Variants in PCDH11X observed in about 807,000 individuals in gnomAD.
The protein encoded by PCDH11X is protocadherin 11 X-linked, also known as protocadherin-11 X-linked.
A neutral mutation model predicts 53.3 loss-of-function variants in PCDH11X; 18 were observed. That is an observed-to-expected ratio of 0.34 (90% CI 0.23 to 0.50). PCDH11X has a LOEUF of 0.50. Among genes scored for constraint, PCDH11X ranks in the 20% least tolerant of loss-of-function variants. The probability of loss-of-function intolerance (pLI) is 0.98; values close to 1 mark genes in which losing one functional copy is unlikely to be tolerated. For synonymous variants in PCDH11X, 279 were observed against 393.3 expected, an observed-to-expected ratio of 0.71 and a Z score of 3.44; for missense variants, 570 against 1,032.4, an observed-to-expected ratio of 0.55 and a Z score of 6.14.
intron 6 of PCDH11X, among the ~76,000 whole-genome samples, chrX:92,038,602 A>C (rs1400521759): frequency 9.0e-6 from 1 of 111,596 alleles, no homozygotes; most frequent in Non-Finnish European, 1.9e-5. Context: ...CTTTGCCAGC[A>C]CAGTTTGAAA....
At chrX:91,797,753 A>C (rs1161978643) in intron 1 of PCDH11X, among the ~76,000 whole-genome samples, 2 of 108,059 alleles carry the variant, frequency 1.9e-5, no homozygotes, top group African/African-American at 6.7e-5. Context: ...ATTTCTACTT[A>C]AGACAATTAA....
At chrX:92,230,480 A>C (rs1259115711) in intron 7 of PCDH11X, among the ~76,000 whole-genome samples, 1 of 92,488 alleles carries the variant, frequency 1.1e-5, no homozygotes, top group African/African-American at 3.9e-5. Flanking sequence ...TATATATAAT[A>C]TATATAAAAT....
chrX:92,383,401 A>G (rs1324951277), intron 8 of PCDH11X, among the ~76,000 whole-genome samples: 9 of 108,806 alleles, frequency 8.3e-5, no homozygotes, highest in African/African-American at 2.0e-4. Context: ...AAGTATACAC[A>G]TGCCATGGTG....
At chrX:92,221,030 C>T (rs1412621296) in intron 7 of PCDH11X, among the ~76,000 whole-genome samples, 1 of 75,427 alleles carries the variant, frequency 1.3e-5, no homozygotes, top group African/African-American at 5.1e-5. Context: ...AGGGGAACAT[C>T]ACACTCTGGG....
rs764755111 is a variant in PCDH11X at position 91,828,120 on chromosome X, C to CTT, written c.-44-7325_-44-7324dup. On this transcript the variant is annotated intron_variant, in intron 4 of 10. Transcript: ENST00000682573. The stretch of plus-strand genomic sequence containing the variant: ...AAATTCCATTTTAAAAGGCAGAATT[C>CTT]TTTTTTTTTTTTTTTTTGAGATGGA... 3.2e-4 allele frequency among the ~76,000 whole-genome samples: 27 copies of CTT among 84,843 alleles called. 1 individual carries two copies. Among genetic ancestry groups the CTT allele is most frequent in the African/African-American group, 1.2e-3 (25 of 21,324 alleles). 73.7% of individuals were successfully genotyped at this position (84,843 alleles called of 115,157 possible).
intron 10 of PCDH11X, among the ~76,000 whole-genome samples, chrX:92,593,597 G>A (rs898454377): frequency 8.9e-5 from 10 of 111,840 alleles, no homozygotes; most frequent in Non-Finnish European, 3.8e-5. Context: ...TCTTAAAAGA[G>A]TAATGGGACA....
At chrX:92,477,821 G>C (rs1003195306) in intron 10 of PCDH11X, among the ~76,000 whole-genome samples, 6 of 104,166 alleles carry the variant, frequency 5.8e-5, no homozygotes, top group African/African-American at 2.1e-4. Flanking sequence ...GGGGTCAGTG[G>C]TAATATCTTC....
intron 10 of PCDH11X, among the ~76,000 whole-genome samples, chrX:92,543,470 TA>T (rs1161778452): frequency 9.3e-6 from 1 of 107,141 alleles, no homozygotes; most frequent in Non-Finnish European, 1.9e-5. Flanking sequence ...ACCTTTCCTA[TA>T]AACCCTAGTA....
At chrX:92,053,044 C>T (rs1329545192) in intron 6 of PCDH11X, among the ~76,000 whole-genome samples, 1 of 111,748 alleles carries the variant, frequency 8.9e-6, no homozygotes, top group Admixed American at 9.6e-5. Flanking sequence ...GAATGTAAAA[C>T]ACGTCTTTTA....
chrX:91,985,194 A>G (rs1341922639), intron 6 of PCDH11X, among the ~76,000 whole-genome samples: 19 of 112,223 alleles, frequency 1.7e-4, no homozygotes, highest in African/African-American at 6.2e-4. Flanking sequence ...GAAATCTACT[A>G]GGTTTTACAT....
intron 8 of PCDH11X, among the ~76,000 whole-genome samples, chrX:92,292,465 C>G (rs898182332): frequency 1.8e-5 from 2 of 111,945 alleles, no homozygotes; most frequent in African/African-American, 6.5e-5. Context: ...ATGTCTTGTT[C>G]TATTTTATTG....
intron 6 of PCDH11X, among the ~76,000 whole-genome samples, chrX:91,903,924 A>G (rs1240247093): frequency 9.1e-6 from 1 of 109,893 alleles, no homozygotes; most frequent in African/African-American, 3.3e-5. Context: ...AGTAGAGTAT[A>G]TTTTCTACAA....
chrX:92,332,084 C>T (rs1015664786), intron 8 of PCDH11X, among the ~76,000 whole-genome samples: 11 of 111,435 alleles, frequency 9.9e-5, no homozygotes, highest in Admixed American at 5.7e-4. Flanking sequence ...TAATTATAAA[C>T]TGTTAAAGAT....
intron 6 of PCDH11X, among the ~76,000 whole-genome samples, chrX:91,974,925 T>A (rs1257813153): frequency 9.1e-6 from 1 of 110,139 alleles, no homozygotes; most frequent in African/African-American, 3.3e-5. Context: ...GCTAATTTTG[T>A]ATTTTTAGTA....
intron 10 of PCDH11X, among the ~76,000 whole-genome samples, chrX:92,476,362 AT>A (rs1052047203): frequency 9.1e-6 from 1 of 109,978 alleles, no homozygotes; most frequent in African/African-American, 3.3e-5. Flanking sequence ...TGTTAATTGC[AT>A]TTTTCAGTAC....
intron 6 of PCDH11X, among the ~76,000 whole-genome samples, chrX:92,024,191 C>T (rs991310089): frequency 3.6e-5 from 4 of 110,175 alleles, no homozygotes; most frequent in Non-Finnish European, 7.6e-5. Flanking sequence ...AAATAAATAA[C>T]GGTATTCAAA....
At chrX:92,208,669 AAAC>A (rs1464300202) in intron 7 of PCDH11X, among the ~76,000 whole-genome samples, 1 of 104,821 alleles carries the variant, frequency 9.5e-6, no homozygotes, top group Non-Finnish European at 2.0e-5. Context: ...GAAAAGAAAT[AAAC>A]AATAAGATAC....
At chrX:92,473,367 C>T (rs1603339064) in intron 10 of PCDH11X, among the ~76,000 whole-genome samples, 1 of 111,589 alleles carries the variant, frequency 9.0e-6, no homozygotes, top group East Asian at 2.8e-4. Flanking sequence ...TGGCTAAAGG[C>T]TTGTCAATTT....
chrX:91,780,186 G>C (rs1935085384), intron 1 of PCDH11X, among the ~76,000 whole-genome samples: 2 of 111,440 alleles, frequency 1.8e-5, no homozygotes, highest in Admixed American at 1.9e-4. Flanking sequence ...CTGGGGGCTC[G>C]GGTTTGGATC....
Sources: allele counts gnomAD v4.1 joint callset (sites outside exome capture counted in the v4.1 genomes callset), GRCh38; gene constraint gnomAD v4.1.1; transcripts MANE v1.5; gene names NCBI Gene and HGNC (gene_info 2026-07-23, HGNC 2026-07-21).